COL23A1: variants seen among roughly 807,000 people sequenced by gnomAD.
COL23A1 encodes the protein collagen type XXIII alpha 1 chain.
Under a neutral mutation model 99.3 loss-of-function variants are expected in COL23A1, and 97 were observed. The ratio of observed to expected loss-of-function variants is 0.98; its 90% CI spans 0.83 to 1.16. The LOEUF (loss-of-function observed/expected upper bound fraction) is 1.16, where lower values mean the gene tolerates loss of function less well. COL23A1 is among the 50% of genes most tolerant of loss of function. COL23A1 has a pLI of 0.00. For synonymous variants in COL23A1, 320 were observed against 308.2 expected (o/e 1.04, Z -0.40); for missense variants, 762 against 757.4 (o/e 1.01, Z -0.07).
intron 1 of COL23A1, among the ~76,000 whole-genome samples, chr5:178,588,833 A>AC (rs1233923271): frequency 6.6e-6 from 1 of 152,136 alleles, no homozygotes; most frequent in African/African-American, 2.4e-5. Context: ...AGTCTAGGGA[A>AC]TTGGGGGTGT....
intron 2 of COL23A1, among the ~76,000 whole-genome samples, chr5:178,341,992 C>A (rs766234654): frequency 6.6e-6 from 1 of 152,186 alleles, no homozygotes; most frequent in Non-Finnish European, 1.5e-5. Flanking sequence ...AACACACCGA[C>A]CTTCGGACCT....
At chr5:178,498,604 C>G (rs1322077366) in intron 2 of COL23A1, among the ~76,000 whole-genome samples, 1 of 151,434 alleles carries the variant, frequency 6.6e-6, no homozygotes, top group Non-Finnish European at 1.5e-5. Context: ...CTAGATAAGC[C>G]TAGAAAAAGT....
At chr5:178,577,042 C>A (rs899275518) in intron 1 of COL23A1, among the ~76,000 whole-genome samples, 9 of 152,100 alleles carry the variant, frequency 5.9e-5, no homozygotes, top group Non-Finnish European at 1.2e-4. Context: ...ACTGCTTCTG[C>A]CTGAGGACTC....
intron 24 of COL23A1, 139 bp downstream of exon 24, chr5:178,246,115 A>T: frequency 7.7e-7 from 1 of 1,292,984 alleles, no homozygotes; most frequent in Non-Finnish European, 1.1e-6. Context: ...GCCAGGACAG[A>T]CCTGGCATCC....
At chr5:178,403,961 A>G (rs934551911) in intron 2 of COL23A1, among the ~76,000 whole-genome samples, 1 of 152,170 alleles carries the variant, frequency 6.6e-6, no homozygotes, top group Admixed American at 6.5e-5. Flanking sequence ...AGAATGACGG[A>G]TTTTTCTAAA....
chr5:178,523,472 T>A (rs559262736), intron 2 of COL23A1: 2 of 149,150 alleles, frequency 1.3e-5, no homozygotes, highest in Non-Finnish European at 3.0e-5. Context: ...GAAACCTCTA[T>A]GATGTGCACA....
chr5:178,574,348 C>A (rs1763246736), intron 1 of COL23A1, among the ~76,000 whole-genome samples: 1 of 150,272 alleles, frequency 6.7e-6, no homozygotes, highest in African/African-American at 2.5e-5. Flanking sequence ...ATCCATCTAA[C>A]TCTACACTTA....
intron 1 of COL23A1, among the ~76,000 whole-genome samples, chr5:178,583,824 T>A (rs1763780641): frequency 6.6e-6 from 1 of 152,126 alleles, no homozygotes; most frequent in Admixed American, 6.5e-5. Flanking sequence ...AGCCTGGACT[T>A]CTCCGTTACT....
intron 5 of COL23A1, among the ~76,000 whole-genome samples, chr5:178,285,453 C>G (rs1228187777): frequency 1.3e-5 from 2 of 152,228 alleles, no homozygotes; most frequent in African/African-American, 4.8e-5. Context: ...CGACCATTCT[C>G]AAAGGTGTTT....
chr5:178,555,979 C>T (rs780037502), intron 2 of COL23A1, among the ~76,000 whole-genome samples: 25 of 152,198 alleles, frequency 1.6e-4, no homozygotes, highest in Admixed American at 5.9e-4. Context: ...AGGCCTGCAG[C>T]GTGCCTGGGA....
Position 178,259,758 on chromosome 5 carries a change from C to G in COL23A1, c.703-11G>C. ...TACTCCAGGCTCACCCTGGGGGAGG[C>G]AATGGGGGGTTCAAGAGCAAGGTCA... On this transcript the variant is annotated splice_polypyrimidine_tract_variant and intron_variant, in intron 11 of 28. Transcript: ENST00000390654. 6.2e-7 allele frequency: 1 copy of G among 1,600,816 alleles called. No individual in the cohort carries two copies. The highest frequency in any genetic ancestry group is 8.5e-7 in the Non-Finnish European group (1 of 1,171,792).
At chr5:178,476,287 G>A (rs543660055) in intron 2 of COL23A1, among the ~76,000 whole-genome samples, 5 of 152,220 alleles carry the variant, frequency 3.3e-5, no homozygotes, top group Non-Finnish European at 5.9e-5. Context: ...CTTTCCCAGC[G>A]GTATAAGAGC....
chr5:178,383,395 C>T (rs1325418458), intron 2 of COL23A1, among the ~76,000 whole-genome samples: 2 of 152,246 alleles, frequency 1.3e-5, no homozygotes, highest in African/African-American at 4.8e-5. Flanking sequence ...GACAAGTCCC[C>T]TTAAGGGGTC....
chr5:178,406,675 G>A (rs527611370), intron 2 of COL23A1, among the ~76,000 whole-genome samples: 6 of 152,142 alleles, frequency 3.9e-5, no homozygotes, highest in Non-Finnish European at 7.4e-5. Context: ...TGATCTGCCC[G>A]CCTCAGCCTC....
At chr5:178,367,982 A>G (rs1397555443) in intron 2 of COL23A1, among the ~76,000 whole-genome samples, 1 of 152,104 alleles carries the variant, frequency 6.6e-6, no homozygotes, top group African/African-American at 2.4e-5. Context: ...TCTAAGGGAG[A>G]CGTTGTGTGC....
chr5:178,240,650 T>G (rs1033433959), intron 27 of COL23A1, among the ~76,000 whole-genome samples: 4 of 152,224 alleles, frequency 2.6e-5, no homozygotes, highest in South Asian at 4.1e-4. Flanking sequence ...TTCTGTGCGC[T>G]GACCACTTCG....
rs1327452584 is a variant in COL23A1, at chr5:178,434,842, T to C, written c.361+125840A>G. Among the ~76,000 whole-genome samples the C allele has an allele frequency of 6.6e-6, 1 of 152,176 alleles. No homozygotes were observed. Among genetic ancestry groups the C allele is most frequent in the Non-Finnish European group, 1.5e-5 (1 of 68,032 alleles). Reference sequence around the variant, plus strand: ...AGATGGGATTCCAGCTCAGGGCTGGTTTCAAAGCCTCTGCCCGCTGCAGGA... The same window carrying C: ...AGATGGGATTCCAGCTCAGGGCTGGCTTCAAAGCCTCTGCCCGCTGCAGGA... On this transcript the variant is annotated intron_variant, in intron 2 of 28. Coordinates refer to ENST00000390654, the MANE Select transcript of COL23A1 (RefSeq NM_173465.4). This position sits in a 1 kb window ranked among gnomAD's most constrained non-coding sequence, Gnocchi z 4.3.
chr5:178,487,144 G>A (rs1399626762), intron 2 of COL23A1, among the ~76,000 whole-genome samples: 2 of 151,696 alleles, frequency 1.3e-5, no homozygotes. Flanking sequence ...CTCAGTGCCT[G>A]AGTGTTCTGC....
In COL23A1 at chr5:178,434,449, C is replaced by T. The variant is rs1325330089; in HGVS notation, c.361+126233G>A. ...ACTTGGACATTGGGCGGCTGTGTGACAGGCATGGACTCTCACATGTCTGAA... is the reference window on the plus strand; with the variant it reads ...ACTTGGACATTGGGCGGCTGTGTGATAGGCATGGACTCTCACATGTCTGAA... On this transcript the variant is annotated intron_variant, in intron 2 of 28. Transcript: ENST00000390654. This position sits in a 1 kb window ranked among gnomAD's most constrained non-coding sequence, Gnocchi z 4.3. Among the ~76,000 whole-genome samples the T allele has an allele frequency of 6.6e-6, 1 of 152,252 alleles. No homozygotes were observed. Among genetic ancestry groups the T allele is most frequent in the Non-Finnish European group, 1.5e-5 (1 of 68,040 alleles).
Sources: gnomAD v4.1 joint callset for allele counts (sites outside exome capture counted in the v4.1 genomes callset) on GRCh38, gnomAD v4.1.1 for gene constraint, Gnocchi (gnomAD v3.1) non-coding constraint, MANE v1.5 for transcripts, NCBI Gene and HGNC (gene_info 2026-07-23, HGNC 2026-07-21) for gene names.